The following UNC5C variants were observed in gnomAD, a reference collection of about 807,000 sequenced individuals.
UNC5C encodes the protein unc-5 netrin receptor C.
Under a neutral mutation model 99.8 loss-of-function variants are expected in UNC5C, and 47 were observed. The ratio of observed to expected loss-of-function variants is 0.47; its 90% CI spans 0.37 to 0.60. The LOEUF (loss-of-function observed/expected upper bound fraction) is 0.60. Ranked by LOEUF, UNC5C falls within the 20% of genes least tolerant of loss-of-function variation. UNC5C has a pLI of 0.00. For missense variants in UNC5C, 1,062 were observed against 1,165.9 expected (o/e 0.91, Z 1.30); for synonymous variants, 487 against 452.2 (o/e 1.08, Z -0.98).
intron 2 of UNC5C, among the ~76,000 whole-genome samples, chr4:95,333,112 C>T (rs1011840848): frequency 5.3e-5 from 8 of 152,144 alleles, no homozygotes; most frequent in Non-Finnish European, 1.0e-4. Flanking sequence ...AACACTTTTA[C>T]ACTGTTTGTG....
At chr4:95,520,174 T>A (rs1282691845) in intron 1 of UNC5C, among the ~76,000 whole-genome samples, 2 of 152,222 alleles carry the variant, frequency 1.3e-5, no homozygotes, top group Non-Finnish European at 2.9e-5. Context: ...GATCTCTAGA[T>A]CTTTCTACAG....
chr4:95,496,442 G>C (rs974362285), intron 1 of UNC5C, among the ~76,000 whole-genome samples: 18 of 151,796 alleles, frequency 1.2e-4, no homozygotes, highest in African/African-American at 4.1e-4. Context: ...AACAATTATA[G>C]ATTGTCATTT....
At chr4:95,299,760 A>G (rs1741803858) in intron 3 of UNC5C, among the ~76,000 whole-genome samples, 1 of 152,210 alleles carries the variant, frequency 6.6e-6, no homozygotes, top group African/African-American at 2.4e-5. Context: ...TCACCATCAT[A>G]GAACAGCATA....
intron 7 of UNC5C, among the ~76,000 whole-genome samples, chr4:95,220,558 T>C (rs1290957412): frequency 1.3e-5 from 2 of 152,194 alleles, no homozygotes; most frequent in Non-Finnish European, 2.9e-5. Context: ...AACATAAACA[T>C]AAACACTGTT....
rs778676302 is a variant in UNC5C at position 95,242,510 on chromosome 4, G to C, written c.1027C>G (p.Pro343Ala). ...TCCTTGCCTCCATTCTTGGGGGCTG[G>C]CGCCGTGCACTCCCTCCTGCGCCAG... The part of the protein sequence containing the change: ...THWRRRECTA[P>A]APKNGGKDCD... The change falls in exon 7 of 16, where the codon CCA (proline) becomes GCA (alanine). Residue 343 changes from proline to alanine, a missense_variant. Physicochemically the swap from Pro to Ala is conservative, Grantham distance 27. This residue lies in a region of UNC5C where 810 missense variants were observed against 854.5 expected (regional missense o/e 0.95). Transcript: ENST00000453304. 1 of 1,613,640 alleles carries C rather than the reference G, an allele frequency of 6.2e-7. No individual in the cohort carries two copies. The highest frequency in any genetic ancestry group is 2.2e-5 in the East Asian group (1 of 44,848).
rs1159610143 is a variant in UNC5C, at chr4:95,356,210, AAACAAAAC to A, written c.125-20587_125-20580del. Among the ~76,000 whole-genome samples, 143 of 98,192 alleles carry A rather than the reference AAACAAAAC, an allele frequency of 1.5e-3. 5 individuals are homozygous for A. Among genetic ancestry groups the A allele is most frequent in the African/African-American group, 4.2e-3 (104 of 24,984 alleles). 64.4% of individuals were successfully genotyped at this position (98,192 alleles called of 152,430 possible). ...CCCTGTAGCAAAAAAAAAAAAAAAAAAACAAAACAAAAAAAAAACAGATTCCTCGTTCT... is the reference window on the plus strand; with the variant it reads ...CCCTGTAGCAAAAAAAAAAAAAAAAAAAAAAAAAAACAGATTCCTCGTTCT... On this transcript the variant is annotated intron_variant, in intron 1 of 15. Coordinates refer to ENST00000453304, the MANE Select transcript of UNC5C (RefSeq NM_003728.4).
intron 7 of UNC5C, among the ~76,000 whole-genome samples, chr4:95,239,355 T>A (rs1417888039): frequency 1.3e-5 from 2 of 152,206 alleles, no homozygotes; most frequent in Non-Finnish European, 2.9e-5. Flanking sequence ...CACTTTTTTC[T>A]ATGTCTTCCC....
intron 1 of UNC5C, among the ~76,000 whole-genome samples, chr4:95,365,171 A>C (rs11722752): frequency 0.62 from 93,102 of 149,394 alleles, 30,648 homozygotes; most frequent in African/African-American, 0.84. Context: ...TGGCATGTCC[A>C]TGTAGTCCCA....
chr4:95,424,529 T>G (rs1578155605), intron 1 of UNC5C, among the ~76,000 whole-genome samples: 1 of 136,200 alleles, frequency 7.3e-6, no homozygotes, highest in African/African-American at 2.8e-5. Context: ...TTTTTTTTTT[T>G]TTTTTTTTTT....
intron 1 of UNC5C, among the ~76,000 whole-genome samples, chr4:95,546,119 T>C (rs1004860316): frequency 3.9e-5 from 6 of 152,226 alleles, no homozygotes; most frequent in Admixed American, 1.3e-4. Context: ...AAAAACCTCA[T>C]CCACATTGTA....
At chr4:95,333,736 A>T (rs1743219524) in intron 2 of UNC5C, among the ~76,000 whole-genome samples, 1 of 151,942 alleles carries the variant, frequency 6.6e-6, no homozygotes, top group South Asian at 2.1e-4. Context: ...AAAAAAGAAT[A>T]GTTTTGTTTC....
intron 1 of UNC5C, among the ~76,000 whole-genome samples, chr4:95,395,174 T>C (rs1048965702): frequency 6.6e-6 from 1 of 152,194 alleles, no homozygotes; most frequent in African/African-American, 2.4e-5. Flanking sequence ...ATAGTATTAG[T>C]TTGAGCTCCT....
At chr4:95,257,560 C>A (rs1242298224) in intron 4 of UNC5C, among the ~76,000 whole-genome samples, 1 of 152,170 alleles carries the variant, frequency 6.6e-6, no homozygotes, top group African/African-American at 2.4e-5. Context: ...TCTTCCATTT[C>A]TGGCTTAAGG....
chr4:95,243,459 A>G (rs1739396354), intron 6 of UNC5C, among the ~76,000 whole-genome samples: 1 of 152,200 alleles, frequency 6.6e-6, no homozygotes, highest in Admixed American at 6.5e-5. Flanking sequence ...TCACAAAAAT[A>G]GGATAAAAAT....
intron 3 of UNC5C, among the ~76,000 whole-genome samples, chr4:95,293,295 CTTTTTTTTTTTT>C (rs1175837199): frequency 7.0e-5 from 4 of 56,904 alleles, no homozygotes; most frequent in African/African-American, 2.9e-4. Context: ...TAATAGTGAG[CTTTTTTTTTTTT>C]TTTTTTTTTT....
chr4:95,259,729 A>C (rs889967384), intron 4 of UNC5C, among the ~76,000 whole-genome samples: 5 of 152,222 alleles, frequency 3.3e-5, no homozygotes, highest in Non-Finnish European at 7.3e-5. Flanking sequence ...TTTTAAAAAA[A>C]TAAGTAGAAA....
At chr4:95,424,878 G>A (rs888397912) in intron 1 of UNC5C, among the ~76,000 whole-genome samples, 2 of 151,910 alleles carry the variant, frequency 1.3e-5, no homozygotes, top group Admixed American at 6.6e-5. Context: ...AACAGGAGGT[G>A]CTCCTAACTT....
chr4:95,498,721 T>C (rs1458371826), intron 1 of UNC5C, among the ~76,000 whole-genome samples: 1 of 140,316 alleles, frequency 7.1e-6, no homozygotes, highest in Non-Finnish European at 1.6e-5. Context: ...TTTTTTTTTT[T>C]CCTTAGGATC....
chr4:95,494,928 T>A (rs970409775), intron 1 of UNC5C, among the ~76,000 whole-genome samples: 1 of 151,402 alleles, frequency 6.6e-6, no homozygotes, highest in Non-Finnish European at 1.5e-5. Flanking sequence ...TAATATTTTA[T>A]ATGAATATAT....
Sources: gnomAD v4.1 joint callset for allele counts (sites outside exome capture counted in the v4.1 genomes callset) on GRCh38, gnomAD v4.1.1 for gene constraint, gnomAD v4.1.1 regional missense constraint, MANE v1.5 for transcripts, NCBI Gene and HGNC (gene_info 2026-07-23, HGNC 2026-07-21) for gene names.